The following ZDHHC14 variants were observed in gnomAD, a reference collection of about 807,000 sequenced individuals.
The protein encoded by ZDHHC14 is zDHHC palmitoyltransferase 14.
A neutral mutation model predicts 47.7 loss-of-function variants in ZDHHC14; 16 were observed. The observed-to-expected ratio is 0.34, with a 90% CI of 0.23 to 0.51. ZDHHC14 has a LOEUF of 0.51. Among genes scored for constraint, ZDHHC14 ranks in the 20% least tolerant of loss-of-function variants. The pLI, the probability that ZDHHC14 is intolerant of heterozygous loss-of-function variation, is 0.97. For synonymous variants in ZDHHC14, 293 were observed against 278.9 expected, an observed-to-expected ratio of 1.05 and a Z score of -0.50; for missense variants, 515 against 662.5, an observed-to-expected ratio of 0.78 and a Z score of 2.44.
chr6:157,620,423 G>A (rs182201912), intron 3 of ZDHHC14, among the ~76,000 whole-genome samples: 1 of 152,324 alleles, frequency 6.6e-6, no homozygotes, highest in African/African-American at 2.4e-5. Flanking sequence ...AAGTTTCAAT[G>A]TGAGTTTCAG....
intron 5 of ZDHHC14, among the ~76,000 whole-genome samples, chr6:157,644,631 C>A (rs1248762744): frequency 6.6e-6 from 1 of 152,208 alleles, no homozygotes; most frequent in African/African-American, 2.4e-5. Context: ...ATGTGCTCAG[C>A]CCTCTGGTCT....
At chr6:157,426,885 A>T (rs1778233198) in intron 1 of ZDHHC14, among the ~76,000 whole-genome samples, 1 of 152,212 alleles carries the variant, frequency 6.6e-6, no homozygotes, top group African/African-American at 2.4e-5. Context: ...CGGAGACTTC[A>T]TTGTAGTGGG....
chr6:157,563,417 G>T (rs1394273805), intron 2 of ZDHHC14, among the ~76,000 whole-genome samples: 2 of 152,210 alleles, frequency 1.3e-5, no homozygotes, highest in African/African-American at 4.8e-5. Context: ...GCTCTGACTT[G>T]GGGGAGGCTG....
chr6:157,616,629 C>T (rs182765489), intron 3 of ZDHHC14, among the ~76,000 whole-genome samples: 235 of 152,222 alleles, frequency 1.5e-3, no homozygotes, highest in Non-Finnish European at 3.0e-3. Context: ...GACCAGACCT[C>T]GAACTGAAGG....
intron 4 of ZDHHC14, chr6:157,628,741 C>T (rs922518767): frequency 8.5e-6 from 4 of 468,546 alleles, no homozygotes; most frequent in Admixed American, 3.9e-5. Context: ...GGCCAGGCTG[C>T]GCTTTCACCA....
At chr6:157,587,050 G>A (rs578204597) in intron 2 of ZDHHC14, among the ~76,000 whole-genome samples, 6 of 152,326 alleles carry the variant, frequency 3.9e-5, no homozygotes, top group African/African-American at 1.4e-4. Context: ...GTGTTGATAC[G>A]TTTGTCATTC....
At chr6:157,605,799 C>T (rs1244066089) in intron 3 of ZDHHC14, among the ~76,000 whole-genome samples, 1 of 152,076 alleles carries the variant, frequency 6.6e-6, no homozygotes, top group East Asian at 1.9e-4. Flanking sequence ...TCTGCGTGGG[C>T]ACAGCGGGTG....
At chr6:157,530,193 G>T (rs1260473634) in intron 1 of ZDHHC14, among the ~76,000 whole-genome samples, 1 of 152,192 alleles carries the variant, frequency 6.6e-6, no homozygotes, top group African/African-American at 2.4e-5. Flanking sequence ...AAAAGAAAAT[G>T]ATGTGGGACC....
At position 157,653,103 on chromosome 6, in the gene ZDHHC14, C is replaced by T. The variant is rs549228376; in HGVS notation, c.966-422C>T. ...GCTCTGTTCCCACGTGGCAGGCGGT[C>T]ATTTCCCACACGCTACACTGGCACT... On this transcript the variant is annotated intron_variant, in intron 7 of 8. Coordinates refer to ENST00000359775, the MANE Select transcript of ZDHHC14 (RefSeq NM_024630.3). 2.0e-5 allele frequency among the ~76,000 whole-genome samples: 3 copies of T among 152,318 alleles called. No individual in the cohort carries two copies. The East Asian group carries it at 5.8e-4, about 29-fold the overall frequency.
chr6:157,498,048 C>T (rs1185691595), intron 1 of ZDHHC14, among the ~76,000 whole-genome samples: 1 of 152,124 alleles, frequency 6.6e-6, no homozygotes. Context: ...TCATCTGGAA[C>T]CTGGAATAAT....
At chr6:157,474,670 G>A (rs899726697) in intron 1 of ZDHHC14, among the ~76,000 whole-genome samples, 3 of 145,718 alleles carry the variant, frequency 2.1e-5, no homozygotes, top group African/African-American at 7.4e-5. Context: ...TTAGAGATAT[G>A]CAACATTCCT....
intron 1 of ZDHHC14, among the ~76,000 whole-genome samples, chr6:157,402,305 T>C (rs1046222817): frequency 3.3e-5 from 5 of 151,732 alleles, no homozygotes; most frequent in Non-Finnish European, 7.4e-5. Flanking sequence ...AGTAGTGAGA[T>C]ATGCACCTGC....
rs140572854 is a variant in ZDHHC14, at chr6:157,603,355, G to A, written c.565+10209G>A. Among the ~76,000 whole-genome samples, 168 of 152,354 alleles carry A rather than the reference G, an allele frequency of 1.1e-3. 1 individual carries two copies. Among genetic ancestry groups the A allele is most frequent in the African/African-American group, 3.8e-3 (159 of 41,584 alleles). The stretch of plus-strand genomic sequence containing the variant: ...GTACTTGACAAGGTCGTAGCACTCA[G>A]GATGGTCATTTTAGACCAATTCCCG... On this transcript the variant is annotated intron_variant, in intron 3 of 8. Transcript: ENST00000359775.
At chr6:157,626,895 G>T (rs879443778) in intron 3 of ZDHHC14, among the ~76,000 whole-genome samples, 7 of 150,062 alleles carry the variant, frequency 4.7e-5, no homozygotes, top group South Asian at 4.4e-4. Context: ...CCAGCTGGGG[G>T]GGGGGCGGCG....
At chr6:157,653,714 A>G (rs1583079073) in intron 8 of ZDHHC14, 87 bp downstream of exon 8, 3 of 1,383,070 alleles carry the variant, frequency 2.2e-6, no homozygotes, top group Admixed American at 1.9e-5. Flanking sequence ...TTCCTAGCAA[A>G]CCTCCCCAGG....
Position 157,535,536 on chromosome 6 carries a change from G to T in ZDHHC14, c.246-7049G>T, listed in dbSNP as rs1031421875. 3.9e-5 allele frequency among the ~76,000 whole-genome samples: 6 copies of T among 152,132 alleles called. No individual in the cohort carries two copies. The East Asian group carries it at 1.2e-3, about 29-fold the overall frequency. On this transcript the variant is annotated intron_variant, in intron 1 of 8. Transcript: ENST00000359775. ...TCTACTGTCACCTCCATGCTCTCTG[G>T]GTTTGAGCTTTTCCTTCCAGCTTGC...
At chr6:157,527,640 T>C (rs1781206844) in intron 1 of ZDHHC14, among the ~76,000 whole-genome samples, 1 of 152,204 alleles carries the variant, frequency 6.6e-6, no homozygotes, top group Admixed American at 6.5e-5. Context: ...TAGAGCATTT[T>C]CAAGCTGTTT....
At chr6:157,483,274 T>C (rs1779676564) in intron 1 of ZDHHC14, among the ~76,000 whole-genome samples, 1 of 152,244 alleles carries the variant, frequency 6.6e-6, no homozygotes, top group African/African-American at 2.4e-5. Flanking sequence ...TTTAGAAATA[T>C]TGGTTTTTCT....
intron 1 of ZDHHC14, among the ~76,000 whole-genome samples, chr6:157,511,352 T>TGG (rs1321745005): frequency 6.6e-6 from 1 of 151,060 alleles, no homozygotes; most frequent in Non-Finnish European, 1.5e-5. Flanking sequence ...GAGCGTGGAG[T>TGG]GGGGTAAGTG....
Sources: gnomAD v4.1 joint callset for allele counts (sites outside exome capture counted in the v4.1 genomes callset) on GRCh38, gnomAD v4.1.1 for gene constraint, MANE v1.5 for transcripts, NCBI Gene and HGNC (gene_info 2026-07-23, HGNC 2026-07-21) for gene names.